Variants in MDGA2 observed in about 807,000 individuals in gnomAD.
The protein encoded by MDGA2 is MAM domain containing glycosylphosphatidylinositol anchor 2.
A neutral mutation model predicts 117.8 loss-of-function variants in MDGA2; 40 were observed. That is an observed-to-expected ratio of 0.34 (90% CI 0.26 to 0.44). The LOEUF (loss-of-function observed/expected upper bound fraction) is 0.44, where lower values mean the gene tolerates loss of function less well. Among genes scored for constraint, MDGA2 ranks in the 20% least tolerant of loss-of-function variants. MDGA2 has a pLI of 1.00. For synonymous variants in MDGA2, 452 were observed against 439.0 expected, an observed-to-expected ratio of 1.03 and a Z score of -0.37; for missense variants, 1,123 against 1,250.6, an observed-to-expected ratio of 0.90 and a Z score of 1.54.
At position 46,855,197 on chromosome 14, in the gene MDGA2, C is replaced by T. The variant is rs759740166; in HGVS notation, c.2753-43G>A. On this transcript the variant is annotated intron_variant, in intron 14 of 16. Transcript: ENST00000399232. This position sits in a 1 kb window ranked among gnomAD's most constrained non-coding sequence, Gnocchi z 4.1. ...ATTTTATTTTGCATATTCATTTTCA[C>T]CTCAAATTTGTTTTTCCTTGACCAA... 8 of 1,557,370 alleles carry T rather than the reference C, an allele frequency of 5.1e-6. No individual in the cohort carries two copies. Among genetic ancestry groups the T allele is most frequent in the South Asian group, 1.2e-5 (1 of 84,360 alleles).
At chr14:47,542,611 ATAGTT>A (rs1471580858) in intron 1 of MDGA2, among the ~76,000 whole-genome samples, 3 of 152,322 alleles carry the variant, frequency 2.0e-5, no homozygotes, top group South Asian at 2.1e-4. Context: ...ACACTCTAGT[ATAGTT>A]TAAAGAGAGA....
intron 1 of MDGA2, among the ~76,000 whole-genome samples, chr14:47,576,904 A>ATACC (rs1896125123): frequency 6.6e-6 from 1 of 152,008 alleles, no homozygotes; most frequent in Admixed American, 6.6e-5. Context: ...ATGTGCCACT[A>ATACC]TACCCCCCTA....
At chr14:46,874,866 A>C (rs961760763) in intron 12 of MDGA2, among the ~76,000 whole-genome samples, 1 of 151,756 alleles carries the variant, frequency 6.6e-6, no homozygotes, top group African/African-American at 2.4e-5. Flanking sequence ...GGGCCAACAC[A>C]AGTTCAGAGA....
chr14:46,918,580 A>G (rs1047192991), intron 10 of MDGA2, among the ~76,000 whole-genome samples: 6 of 152,068 alleles, frequency 3.9e-5, no homozygotes, highest in African/African-American at 1.4e-4. Context: ...TTTTTCAATG[A>G]GGGATAACCA....
At chr14:46,886,798 C>T (rs1229251059) in intron 10 of MDGA2, among the ~76,000 whole-genome samples, 1 of 152,004 alleles carries the variant, frequency 6.6e-6, no homozygotes, top group Admixed American at 6.6e-5. Context: ...CCCACATCAG[C>T]ATCTTTGGCT....
chr14:47,023,653 T>C (rs1888372544), intron 8 of MDGA2, among the ~76,000 whole-genome samples: 1 of 152,208 alleles, frequency 6.6e-6, no homozygotes, highest in East Asian at 1.9e-4. Flanking sequence ...CTCTTGATAA[T>C]AGAGAGGAGA....
chr14:47,200,986 C>T (rs1048877116), intron 3 of MDGA2: 1 of 830,800 alleles, frequency 1.2e-6, no homozygotes, highest in Non-Finnish European at 2.1e-6. Flanking sequence ...AATGTTGATG[C>T]CTTCGCAGCA....
intron 14 of MDGA2, among the ~76,000 whole-genome samples, chr14:46,866,798 C>T (rs1301783631): frequency 1.3e-5 from 2 of 152,012 alleles, no homozygotes; most frequent in African/African-American, 2.4e-5. Flanking sequence ...AAAATGCTCA[C>T]CATCACTGGC....
intron 1 of MDGA2, among the ~76,000 whole-genome samples, chr14:47,625,686 ATGTC>A (rs903427403): frequency 6.6e-6 from 1 of 152,178 alleles, no homozygotes; most frequent in Non-Finnish European, 1.5e-5. Flanking sequence ...GATTACTGAA[ATGTC>A]TGTCTAACCA....
At chr14:46,864,545 G>GTTTTGTTTTTTTTTTTTTTTTTTTTTTT (rs1881653413) in intron 14 of MDGA2, among the ~76,000 whole-genome samples, 1 of 51,472 alleles carries the variant, frequency 1.9e-5, no homozygotes, top group Non-Finnish European at 3.9e-5. Flanking sequence ...AGATATTGCT[G>GTTTTGTTTTTTTTTTTTTTTTTTTTTTT]TTTTTTTTTT....
intron 1 of MDGA2, among the ~76,000 whole-genome samples, chr14:47,529,004 CT>C (rs1322029009): frequency 7.2e-4 from 42 of 58,006 alleles, no homozygotes; most frequent in South Asian, 1.4e-3. Context: ...AAACTTTAAA[CT>C]TTTTTTTTTT....
chr14:47,523,371 T>C (rs58380751), intron 1 of MDGA2, among the ~76,000 whole-genome samples: 4,791 of 152,300 alleles, frequency 0.031, 253 homozygotes, highest in African/African-American at 0.11. Context: ...ATATTGACCC[T>C]GAATTATTAT....
intron 1 of MDGA2, among the ~76,000 whole-genome samples, chr14:47,611,474 A>C (rs951927060): frequency 6.6e-6 from 1 of 152,148 alleles, no homozygotes; most frequent in African/African-American, 2.4e-5. Context: ...CAAGGGACTA[A>C]TACCCAGAAT....
chr14:47,606,607 A>G (rs940902651), intron 1 of MDGA2, among the ~76,000 whole-genome samples: 13 of 152,140 alleles, frequency 8.5e-5, no homozygotes, highest in Admixed American at 2.6e-4. Context: ...GCTAAATACT[A>G]AAGGTACTGT....
chr14:47,336,071 T>A (rs1283138159), intron 1 of MDGA2, among the ~76,000 whole-genome samples: 1 of 151,806 alleles, frequency 6.6e-6, no homozygotes, highest in Non-Finnish European at 1.5e-5. Context: ...ATAAAGACTT[T>A]AAGTTTTTTA....
At chr14:47,543,265 G>C (rs1466865112) in intron 1 of MDGA2, among the ~76,000 whole-genome samples, 2 of 152,064 alleles carry the variant, frequency 1.3e-5, no homozygotes, top group African/African-American at 4.8e-5. Context: ...TTAGGTTATA[G>C]AGTAATGCAC....
chr14:47,373,433 T>C (rs1891409477), intron 1 of MDGA2, among the ~76,000 whole-genome samples: 1 of 152,108 alleles, frequency 6.6e-6, no homozygotes. Context: ...TCTATTAACT[T>C]AAAATGTGGC....
chr14:47,429,494 C>T (rs1440375282), intron 1 of MDGA2, among the ~76,000 whole-genome samples: 1 of 152,092 alleles, frequency 6.6e-6, no homozygotes, highest in East Asian at 1.9e-4. Context: ...ATTCTTCTCT[C>T]ATAGCATTCT....
chr14:46,869,245 T>C (rs1566499637), intron 14 of MDGA2, among the ~76,000 whole-genome samples: 1 of 152,024 alleles, frequency 6.6e-6, no homozygotes, highest in Non-Finnish European at 1.5e-5. Flanking sequence ...AATTTCCTGA[T>C]ATGATATGAC....
Sources: gnomAD v4.1 joint callset for allele counts (sites outside exome capture counted in the v4.1 genomes callset) on GRCh38, gnomAD v4.1.1 for gene constraint, Gnocchi (gnomAD v3.1) non-coding constraint, MANE v1.5 for transcripts, NCBI Gene and HGNC (gene_info 2026-07-23, HGNC 2026-07-21) for gene names.